Variants in DSE observed in about 807,000 individuals in gnomAD.
The protein encoded by DSE is dermatan-sulfate epimerase.
Under a neutral mutation model 84.4 loss-of-function variants are expected in DSE, and 36 were observed. The observed-to-expected ratio is 0.43, with a 90% confidence interval of 0.33 to 0.56. The LOEUF is 0.56. Ranked by LOEUF, DSE falls within the 20% of genes least tolerant of loss-of-function variation. DSE has a pLI of 0.06. For missense variants in DSE, 862 were observed against 1,169.6 expected (o/e 0.74, Z 3.84); for synonymous variants, 410 against 430.1 (o/e 0.95, Z 0.58).
chr6:116,370,115 G>A (rs35174751), upstream of DSE: 22 of 410,262 alleles, frequency 5.4e-5, no homozygotes, highest in Non-Finnish European at 9.5e-5. Context: ...TGGAAAACAG[G>A]AGGACTCTTC....
In DSE at chr6:116,371,131, G is replaced by T; in HGVS notation, c.-54+10G>T. Reference sequence around the variant, plus strand: ...GCCTCGGCTGGGAGCGGTAAGTGGAGGGGCGCGCAAGGGACGAGCTGGGGC... The same window carrying T: ...GCCTCGGCTGGGAGCGGTAAGTGGATGGGCGCGCAAGGGACGAGCTGGGGC... On this transcript the variant is annotated intron_variant, in intron 1 of 5. Coordinates refer to ENST00000644252, the MANE Select transcript of DSE (RefSeq NM_013352.4). 1 of 986,168 alleles carries T rather than the reference G, an allele frequency of 1.0e-6. No homozygotes were observed. The highest frequency in any genetic ancestry group is 1.2e-6 in the Non-Finnish European group (1 of 830,568). The allele number at this position is 986,168 out of a possible 1,614,324, so 61.1% of individuals were successfully genotyped here.
intron 2 of DSE, among the ~76,000 whole-genome samples, chr6:116,338,061 A>G (rs886791962): frequency 2.0e-5 from 3 of 151,936 alleles, no homozygotes; most frequent in Non-Finnish European, 4.4e-5. Context: ...CAGAGAATAA[A>G]CTTCATCAGT....
chr6:116,276,563 A>G (rs896234913), intron 2 of DSE: 1 of 152,086 alleles, frequency 6.6e-6, no homozygotes, highest in African/African-American at 2.4e-5. Context: ...GTTAACATCA[A>G]TTTAAGGACT....
At chr6:116,322,582 G>C (rs2114765952) in intron 2 of DSE, among the ~76,000 whole-genome samples, 1 of 148,206 alleles carries the variant, frequency 6.7e-6, no homozygotes, top group African/African-American at 2.5e-5. Flanking sequence ...TTTACCTTTG[G>C]GACCTGTTGA....
intron 1 of DSE, chr6:116,254,461 C>A (rs993910845): frequency 3.9e-5 from 13 of 333,538 alleles, no homozygotes; most frequent in Non-Finnish European, 7.8e-5. Context: ...CACAGGCCTT[C>A]CTTCTTTTAA....
chr6:116,305,619 G>A (rs4607460), intron 2 of DSE, among the ~76,000 whole-genome samples: 5,839 of 152,138 alleles, frequency 0.038, 160 homozygotes, highest in Non-Finnish European at 0.06. Context: ...TTATACCGTA[G>A]CTATAGAGTA....
In DSE at chr6:116,263,068, A is replaced by T. The variant is rs139946878; in HGVS notation, c.-54+4101A>T. Among the ~76,000 whole-genome samples the T allele has an allele frequency of 7.9e-5, 12 of 152,278 alleles. No homozygotes were observed. The East Asian group carries it at 2.3e-3, about 29-fold the overall frequency. Reference sequence around the variant, plus strand: ...ATTTTAGAGTATATGCCATGTGGGAATGAGAAGAATGTATATTCTGCTATT... The same window carrying T: ...ATTTTAGAGTATATGCCATGTGGGATTGAGAAGAATGTATATTCTGCTATT... On this transcript the variant is annotated intron_variant, in intron 2 of 3. Coordinates refer to the DSE transcript ENST00000430252.
chr6:116,257,327 A>G (rs1772183926), intron 1 of DSE: 1 of 152,258 alleles, frequency 6.6e-6, no homozygotes, highest in Non-Finnish European at 1.5e-5. Context: ...TAGAGCCACA[A>G]TCTGAACGAG....
At chr6:116,399,094 A>G in intron 1 of DSE, 104 bp from the exon 2 acceptor site, 1 of 937,578 alleles carries the variant, frequency 1.1e-6, no homozygotes, top group Non-Finnish European at 1.5e-6. Context: ...ATCTAAATTC[A>G]TAAGCTTTAT....
chr6:116,258,553 T>C, exon 2 of DSE: 1 of 1,469,132 alleles, frequency 6.8e-7, no homozygotes. Context: ...CTTAATGGCA[T>C]AGGAGTTGGA....
chr6:116,303,646 G>C (rs1336061591), intron 2 of DSE, among the ~76,000 whole-genome samples: 2 of 151,640 alleles, frequency 1.3e-5, no homozygotes, highest in East Asian at 3.9e-4. Flanking sequence ...GACAGGTGAC[G>C]ATAGGGGTAG....
rs115589543 is a variant in DSE, at chr6:116,418,655, C to A, written c.417-7919C>A. Among the ~76,000 whole-genome samples the A allele has an allele frequency of 3.3e-3, 499 of 152,312 alleles. 6 individuals are homozygous for A. The highest frequency in any genetic ancestry group is 0.012 in the African/African-American group (480 of 41,566). ...TGGCAAGGCTTAGAACCCTTGGACC[C>A]TTCTGCCTAGCTTTTGGTAGAGCCA... On this transcript the variant is annotated intron_variant, in intron 2 of 5. Transcript: ENST00000644252.
At chr6:116,257,489 C>A (rs113632432) in intron 1 of DSE, among the ~76,000 whole-genome samples, 1 of 152,190 alleles carries the variant, frequency 6.6e-6, no homozygotes, top group Admixed American at 6.5e-5. Flanking sequence ...TTTTCCTTTA[C>A]CTGTCTTAGT....
At chr6:116,380,678 G>A (rs1780169661) in intron 1 of DSE, among the ~76,000 whole-genome samples, 1 of 152,006 alleles carries the variant, frequency 6.6e-6, no homozygotes, top group Admixed American at 6.6e-5. Context: ...TTTCCACAAG[G>A]GTGTTTGACA....
At position 116,254,266 on chromosome 6, in the gene DSE, C is replaced by G. The variant is rs529249338; in HGVS notation, c.-605C>G. 247 of 677,026 alleles carry G rather than the reference C, an allele frequency of 3.6e-4. 1 individual carries two copies. In the African/African-American group the frequency reaches 4.2e-3, roughly 12 times the overall value. The allele number at this position is 677,026 out of a possible 1,614,324, so 41.9% of individuals were successfully genotyped here. ...CAGTCTGGAAGGGGAGTTTTACTTA[C>G]GTAAATGGATGTAGACCAGACTCAA... is the stretch of plus-strand genomic sequence containing the variant. On this transcript the variant is annotated 5_prime_UTR_variant, in exon 1 of 4. Coordinates refer to the DSE transcript ENST00000430252.
chr6:116,279,890 G>C (rs60663392), intron 2 of DSE: 2 of 1,610,616 alleles, frequency 1.2e-6, no homozygotes, highest in Admixed American at 1.7e-5. Context: ...GCCGAACTGG[G>C]AGCTAACCGC....
At chr6:116,401,809 A>G (rs999510114) in intron 2 of DSE, among the ~76,000 whole-genome samples, 3 of 152,152 alleles carry the variant, frequency 2.0e-5, no homozygotes, top group Non-Finnish European at 2.9e-5. Flanking sequence ...GAAGTACACA[A>G]TGAGTATTGT....
At chr6:116,343,432 C>G (rs916850669) in intron 2 of DSE, among the ~76,000 whole-genome samples, 1 of 152,190 alleles carries the variant, frequency 6.6e-6, no homozygotes, top group Non-Finnish European at 1.5e-5. Context: ...GCCAGGTCCC[C>G]CTCTGCGACA....
intron 2 of DSE, among the ~76,000 whole-genome samples, chr6:116,340,584 C>T (rs1211367959): frequency 2.0e-5 from 3 of 152,042 alleles, no homozygotes; most frequent in Non-Finnish European, 4.4e-5. Context: ...TGGTTTGCTG[C>T]ACCCATCAAC....
Sources: allele counts gnomAD v4.1 joint callset (sites outside exome capture counted in the v4.1 genomes callset), GRCh38; gene constraint gnomAD v4.1.1; transcripts MANE v1.5; gene names NCBI Gene and HGNC (gene_info 2026-07-23, HGNC 2026-07-21).